Variants in SNX29 observed in about 807,000 individuals in gnomAD.
The protein encoded by SNX29 is sorting nexin-29.
Under a neutral mutation model 102.1 loss-of-function variants are expected in SNX29, and 78 were observed. The observed-to-expected ratio is 0.76, with a 90% confidence interval of 0.64 to 0.92. The LOEUF (loss-of-function observed/expected upper bound fraction) is 0.92. Ranked by LOEUF, SNX29 falls within the 40% of genes least tolerant of loss-of-function variation. SNX29 has a pLI of 0.00. For missense variants in SNX29, 1,280 were observed against 1,061.7 expected (o/e 1.21, Z -2.86); for synonymous variants, 580 against 414.5 (o/e 1.40, Z -4.85).
rs552530972 is a variant in SNX29 at position 12,570,704 on chromosome 16, G to A, written c.*2075G>A. 4 of 232,054 alleles carry A rather than the reference G, an allele frequency of 1.7e-5. No homozygotes were observed. The highest frequency in any genetic ancestry group is 1.1e-4 in the Admixed American group (2 of 17,742). 14.4% of individuals were successfully genotyped at this position (232,054 alleles called of 1,614,324 possible). On this transcript the variant is annotated 3_prime_UTR_variant, in exon 21 of 21. Transcript: ENST00000566228. ...ACCTTTTCTGACACCTGCCCCCAAAGCACAGGATGTGAATTGGTCTCTCTC... is the reference window on the plus strand; with the variant it reads ...ACCTTTTCTGACACCTGCCCCCAAAACACAGGATGTGAATTGGTCTCTCTC...
chr16:12,502,433 G>A (rs2089170994), intron 19 of SNX29, among the ~76,000 whole-genome samples: 1 of 151,884 alleles, frequency 6.6e-6, no homozygotes, highest in African/African-American at 2.4e-5. Context: ...CACAGCCGCC[G>A]GTGGTGGTGG....
chr16:12,012,893 A>G (rs2056699301), intron 3 of SNX29, among the ~76,000 whole-genome samples: 3 of 152,164 alleles, frequency 2.0e-5, no homozygotes, highest in Admixed American at 6.6e-5. Context: ...AAATCGTGTC[A>G]TGTACTGTGT....
At chr16:12,468,558 T>C (rs1452490934) in intron 18 of SNX29, among the ~76,000 whole-genome samples, 1 of 151,946 alleles carries the variant, frequency 6.6e-6, no homozygotes, top group African/African-American at 2.4e-5. Context: ...CCAGGCCCCC[T>C]CCCGCAGCCC....
intron 3 of SNX29, among the ~76,000 whole-genome samples, chr16:12,018,961 G>T: frequency 6.7e-6 from 1 of 149,632 alleles, no homozygotes; most frequent in East Asian, 1.9e-4. Flanking sequence ...TTGTAGATCT[G>T]TTTTTTTTTA....
Position 12,572,963 on chromosome 16 carries a change from A to AT in SNX29, c.*4339dup, listed in dbSNP as rs1598144644. On this transcript the variant is annotated 3_prime_UTR_variant, in exon 21 of 21. Transcript: ENST00000566228. Reference sequence around the variant, plus strand: ...CATCTGCTTATGAGCAAGGTCAAAGATTTTTCAAAATATTGTGCATTAATT... The same window carrying AT: ...CATCTGCTTATGAGCAAGGTCAAAGATTTTTTCAAAATATTGTGCATTAATT... The AT allele has an allele frequency of 1.7e-6, 1 of 588,412 alleles. No individual in the cohort carries two copies. The highest frequency in any genetic ancestry group is 2.3e-6 in the Non-Finnish European group (1 of 444,250). The allele number at this position is 588,412 out of a possible 1,614,324, so 36.4% of individuals were successfully genotyped here. A position where few individuals can be genotyped will look rare whatever the true frequency, so the allele number is the denominator to read the frequency against.
At chr16:12,063,661 G>T (rs964350556) in intron 9 of SNX29, among the ~76,000 whole-genome samples, 4 of 152,026 alleles carry the variant, frequency 2.6e-5, no homozygotes, top group Non-Finnish European at 5.9e-5. Context: ...TTATAGGCAT[G>T]AGCCACCGTG....
At chr16:12,093,713 G>A (rs1204934789) in intron 11 of SNX29, 1 of 152,196 alleles carries the variant, frequency 6.6e-6, no homozygotes. Flanking sequence ...ATTCCTGGGA[G>A]TTATATGAAG....
chr16:12,219,412 C>T (rs924100444), intron 14 of SNX29, among the ~76,000 whole-genome samples: 1 of 152,284 alleles, frequency 6.6e-6, no homozygotes, highest in East Asian at 1.9e-4. Context: ...ACCTTTATTA[C>T]GTGCAGAACG....
chr16:11,986,810 G>A (rs181667311), intron 1 of SNX29, among the ~76,000 whole-genome samples: 14 of 152,242 alleles, frequency 9.2e-5, no homozygotes, highest in East Asian at 5.8e-4. Context: ...TTCTGCTGTC[G>A]TAGTTTGAAG....
At chr16:12,455,161 T>C (rs766334096) in intron 18 of SNX29, among the ~76,000 whole-genome samples, 1 of 152,160 alleles carries the variant, frequency 6.6e-6, no homozygotes, top group Non-Finnish European at 1.5e-5. Flanking sequence ...TCCTCCTCCT[T>C]CTAGACGACC....
At chr16:12,421,291 A>C (rs1319089358) in intron 18 of SNX29, among the ~76,000 whole-genome samples, 1 of 152,194 alleles carries the variant, frequency 6.6e-6, no homozygotes, top group Non-Finnish European at 1.5e-5. Flanking sequence ...GGAGGTGGAA[A>C]TTCAGAGTAG....
chr16:12,127,591 T>G (rs1467025876), intron 12 of SNX29, among the ~76,000 whole-genome samples: 1 of 151,954 alleles, frequency 6.6e-6, no homozygotes, highest in Non-Finnish European at 1.5e-5. Context: ...CCGGCTAATT[T>G]TGGTATTTTT....
At chr16:12,245,494 T>C (rs564544811) in intron 14 of SNX29, among the ~76,000 whole-genome samples, 3 of 151,806 alleles carry the variant, frequency 2.0e-5, no homozygotes, top group African/African-American at 7.2e-5. Context: ...TTTTTTTTTT[T>C]GTAATGTAGG....
chr16:12,507,712 C>G (rs1024647162), intron 19 of SNX29, among the ~76,000 whole-genome samples: 1 of 152,134 alleles, frequency 6.6e-6, no homozygotes, highest in Non-Finnish European at 1.5e-5. Flanking sequence ...TATGAGAAAA[C>G]TCCAGAACCT....
rs531418811 is a variant in SNX29 at position 12,145,464 on chromosome 16, C to G, written c.1595+15706C>G. Among the ~76,000 whole-genome samples the G allele has an allele frequency of 4.6e-5, 7 of 152,164 alleles. No individual in the cohort carries two copies. In the East Asian group the frequency reaches 1.4e-3, roughly 29 times the overall value. ...TGTTCATAAATGTAATGTGTACGTTCGAATCCTTAAGGTTTTTCCCTTAAG... is the reference window on the plus strand; with the variant it reads ...TGTTCATAAATGTAATGTGTACGTTGGAATCCTTAAGGTTTTTCCCTTAAG... On this transcript the variant is annotated intron_variant, in intron 13 of 20. Coordinates refer to ENST00000566228, the MANE Select transcript of SNX29 (RefSeq NM_032167.5).
intron 13 of SNX29, among the ~76,000 whole-genome samples, chr16:12,166,711 ATT>A (rs1359339610): frequency 2.6e-5 from 4 of 152,222 alleles, no homozygotes; most frequent in Admixed American, 6.5e-5. Context: ...CCCCGTATTT[ATT>A]TGTTTGATGA....
intron 20 of SNX29, 65 bp from the exon 21 acceptor site, chr16:12,568,441 T>A: frequency 6.3e-7 from 1 of 1,591,308 alleles, no homozygotes; most frequent in Non-Finnish European, 8.5e-7. Flanking sequence ...TGGCTCCCCT[T>A]CCTGGCCTGT....
At chr16:12,078,715 G>C in intron 10 of SNX29, 118 bp from the exon 11 acceptor site, 1 of 819,700 alleles carries the variant, frequency 1.2e-6, no homozygotes, top group Non-Finnish European at 2.1e-6. Flanking sequence ...TCCAATGACT[G>C]CCTCTATCCC....
chr16:12,004,249 G>C (rs1363618889), intron 3 of SNX29, among the ~76,000 whole-genome samples: 2 of 151,624 alleles, frequency 1.3e-5, no homozygotes, highest in East Asian at 3.9e-4. Context: ...ACTGAGGCAG[G>C]AGAATTGCCT....
Sources: gnomAD v4.1 joint callset for allele counts (sites outside exome capture counted in the v4.1 genomes callset) on GRCh38, gnomAD v4.1.1 for gene constraint, MANE v1.5 for transcripts, NCBI Gene and HGNC (gene_info 2026-07-23, HGNC 2026-07-21) for gene names.